KPNA4: variants seen among roughly 807,000 people sequenced by gnomAD.
KPNA4 encodes the protein importin subunit alpha-3.
Under a neutral mutation model 71.3 loss-of-function variants are expected in KPNA4, and 13 were observed. The observed-to-expected ratio is 0.18, with a 90% CI of 0.12 to 0.29. KPNA4 has a LOEUF of 0.29. KPNA4 is among the 10% of genes least tolerant of loss of function. KPNA4 has a pLI of 1.00. For missense variants in KPNA4, 334 were observed against 603.2 expected, an observed-to-expected ratio of 0.55 and a Z score of 4.67; for synonymous variants, 189 against 195.2, an observed-to-expected ratio of 0.97 and a Z score of 0.26.
At chr3:160,530,731 T>G in intron 7 of KPNA4, 124 bp downstream of exon 7, 1 of 631,988 alleles carries the variant, frequency 1.6e-6, no homozygotes. Flanking sequence ...TTGACCTATT[T>G]CAATAACTAC....
At chr3:160,521,048 G>A (rs1234228098) in intron 11 of KPNA4, among the ~76,000 whole-genome samples, 2 of 152,184 alleles carry the variant, frequency 1.3e-5, no homozygotes, top group East Asian at 3.9e-4. Context: ...TTAAATAAGT[G>A]AAAAGCAACA....
At chr3:160,503,016 G>T (rs1720914417) in intron 16 of KPNA4, among the ~76,000 whole-genome samples, 2 of 151,926 alleles carry the variant, frequency 1.3e-5, no homozygotes, top group Non-Finnish European at 2.9e-5. Context: ...GAGGTTGAGG[G>T]TGGAGAATTC....
chr3:160,545,868 T>C (rs1721893850), intron 1 of KPNA4, among the ~76,000 whole-genome samples: 1 of 152,036 alleles, frequency 6.6e-6, no homozygotes, highest in Admixed American at 6.6e-5. Flanking sequence ...GATAGAACTG[T>C]CAAGGAGAGG....
intron 10 of KPNA4, among the ~76,000 whole-genome samples, chr3:160,523,160 A>G (rs147463341): frequency 1.6e-3 from 246 of 152,344 alleles, no homozygotes; most frequent in African/African-American, 5.7e-3. Flanking sequence ...CAAGCTGGAG[A>G]AGTGTAAAAC....
intron 1 of KPNA4, among the ~76,000 whole-genome samples, chr3:160,552,590 C>A (rs1722062599): frequency 6.6e-6 from 1 of 152,112 alleles, no homozygotes; most frequent in Non-Finnish European, 1.5e-5. Flanking sequence ...ACAAATATAT[C>A]ATCAGTGCTC....
chr3:160,526,271 G>C (rs1468954117), intron 8 of KPNA4, among the ~76,000 whole-genome samples, 164 bp from the exon 9 acceptor site: 1 of 152,192 alleles, frequency 6.6e-6, no homozygotes, highest in Non-Finnish European at 1.5e-5. Flanking sequence ...TCTGAGCCAA[G>C]AGAGGCAACA....
At chr3:160,558,632 G>A (rs1577064799) in intron 1 of KPNA4, among the ~76,000 whole-genome samples, 1 of 152,240 alleles carries the variant, frequency 6.6e-6, no homozygotes, top group East Asian at 1.9e-4. Context: ...TGCAAAAGAA[G>A]CAATGGTAAA....
intron 13 of KPNA4, among the ~76,000 whole-genome samples, chr3:160,510,852 A>G (rs1354373807): frequency 2.6e-5 from 4 of 151,792 alleles, no homozygotes; most frequent in Admixed American, 2.0e-4. Context: ...CAGTGGCGCA[A>G]TCTCGGCTCA....
chr3:160,524,880 T>C (rs1721430654), intron 10 of KPNA4, among the ~76,000 whole-genome samples: 1 of 152,218 alleles, frequency 6.6e-6, no homozygotes, highest in Non-Finnish European at 1.5e-5. Context: ...CAAATTAAAT[T>C]CTGGCCAAAA....
chr3:160,499,828 G>A lies in KPNA4; in HGVS notation c.*2276C>T, dbSNP rs568561689. On this transcript the variant is annotated 3_prime_UTR_variant, in exon 17 of 17. Coordinates refer to ENST00000334256, the MANE Select transcript of KPNA4 (RefSeq NM_002268.5). ...CACCTTCCAATTACTGAAACCTTCT[G>A]TACTATGCTTTGTATACAATCCATC... 6.6e-5 allele frequency: 10 copies of A among 152,074 alleles called. No individual in the cohort carries two copies. Among genetic ancestry groups the A allele is most frequent in the Non-Finnish European group, 4.4e-5 (3 of 67,950 alleles). 9.4% of individuals were successfully genotyped at this position (152,074 alleles called of 1,614,324 possible).
At chr3:160,550,832 C>T (rs551403569) in intron 1 of KPNA4, among the ~76,000 whole-genome samples, 10 of 152,236 alleles carry the variant, frequency 6.6e-5, no homozygotes, top group Admixed American at 6.5e-4. Context: ...TATGTTGAAC[C>T]ATCCTTGCAC....
intron 11 of KPNA4, among the ~76,000 whole-genome samples, chr3:160,520,275 T>TG (rs1248634361): frequency 6.6e-6 from 1 of 151,778 alleles, no homozygotes; most frequent in Non-Finnish European, 1.5e-5. Flanking sequence ...TTTATTGAGA[T>TG]GGAGTCTTGC....
rs555943064 is a variant in KPNA4, at chr3:160,512,911, G to A, written c.1137+1166C>T. Among the ~76,000 whole-genome samples, 12 of 152,230 alleles carry A rather than the reference G, an allele frequency of 7.9e-5. 1 individual carries two copies. In the South Asian group the frequency reaches 2.5e-3, roughly 32 times the overall value. On this transcript the variant is annotated intron_variant, in intron 13 of 16. Coordinates refer to ENST00000334256, the MANE Select transcript of KPNA4 (RefSeq NM_002268.5). ...ACACAAAGAATGACGGAATTAGAAA[G>A]TCACCATTTTGCAACTCCTAGTAAA...
intron 1 of KPNA4, 139 bp downstream of exon 1, chr3:160,565,075 T>A (rs1308542697): frequency 1.5e-6 from 1 of 679,756 alleles, no homozygotes; most frequent in African/African-American, 1.9e-5. Flanking sequence ...AGCAGAGGCG[T>A]CACAGACGGG....
At chr3:160,528,475 C>T (rs914358339) in intron 7 of KPNA4, among the ~76,000 whole-genome samples, 6 of 152,184 alleles carry the variant, frequency 3.9e-5, no homozygotes, top group African/African-American at 1.4e-4. Flanking sequence ...CAGTGATTCT[C>T]CTGCCTCACC....
At chr3:160,516,735 G>A (rs554785990) in intron 11 of KPNA4, among the ~76,000 whole-genome samples, 4 of 152,088 alleles carry the variant, frequency 2.6e-5, no homozygotes, top group Admixed American at 2.6e-4. Flanking sequence ...TCATACCACT[G>A]CACTCCAGCC....
At chr3:160,523,413 G>A (rs1721396590) in intron 10 of KPNA4, among the ~76,000 whole-genome samples, 1 of 151,800 alleles carries the variant, frequency 6.6e-6, no homozygotes, top group Admixed American at 6.6e-5. Flanking sequence ...GGACACCCAA[G>A]AGAAAATAAA....
intron 1 of KPNA4, among the ~76,000 whole-genome samples, chr3:160,558,092 G>C (rs1475576257): frequency 6.6e-6 from 1 of 152,116 alleles, no homozygotes; most frequent in African/African-American, 2.4e-5. Context: ...GTTGTTTTCT[G>C]ATTATATTTA....
intron 1 of KPNA4, among the ~76,000 whole-genome samples, chr3:160,546,356 A>T (rs1357901285): frequency 1.3e-5 from 2 of 152,156 alleles, no homozygotes; most frequent in Non-Finnish European, 2.9e-5. Flanking sequence ...TGACTCTACT[A>T]TAAACACAAA....
Sources: allele counts gnomAD v4.1 joint callset (sites outside exome capture counted in the v4.1 genomes callset), GRCh38; gene constraint gnomAD v4.1.1; transcripts MANE v1.5; gene names NCBI Gene and HGNC (gene_info 2026-07-23, HGNC 2026-07-21).